C12orf75: variants seen among roughly 807,000 people sequenced by gnomAD.
The protein encoded by C12orf75 is overexpressed in colon carcinoma 1 protein.
In C12orf75, 4 loss-of-function variants were observed where a neutral mutation model predicts 11.4. The observed-to-expected ratio is 0.35, with a 90% CI of 0.17 to 0.80. The LOEUF (loss-of-function observed/expected upper bound fraction) is 0.80, where lower values mean the gene tolerates loss of function less well. Ranked by LOEUF, C12orf75 falls within the 30% of genes least tolerant of loss-of-function variation. The pLI is 0.52. For missense variants in C12orf75, 89 were observed against 80.4 expected (o/e 1.11, Z -0.41); for synonymous variants, 30 against 30.0 (o/e 1.00, Z 0.00).
intron 1 of C12orf75, among the ~76,000 whole-genome samples, chr12:105,331,847 T>C (rs568909138): frequency 5.9e-5 from 9 of 152,164 alleles, no homozygotes; most frequent in Non-Finnish European, 8.8e-5. Flanking sequence ...TCTCCTCCAA[T>C]TGAAGTCAAC....
At chr12:105,361,413 T>TC (rs1174248587) in intron 2 of C12orf75, among the ~76,000 whole-genome samples, 2 of 152,132 alleles carry the variant, frequency 1.3e-5, no homozygotes, top group Non-Finnish European at 2.9e-5. Context: ...AGGATTCAAA[T>TC]CCCAAAGACT....
At chr12:105,335,313 C>G (rs904268837) in intron 1 of C12orf75, among the ~76,000 whole-genome samples, 1 of 152,128 alleles carries the variant, frequency 6.6e-6, no homozygotes, top group African/African-American at 2.4e-5. Context: ...TTGGTCCAGG[C>G]TTAATTACAT....
chr12:105,352,911 CTT>C (rs1892731299), intron 2 of C12orf75, among the ~76,000 whole-genome samples: 2 of 152,190 alleles, frequency 1.3e-5, no homozygotes, highest in Admixed American at 6.5e-5. Context: ...CTTTCTGTCT[CTT>C]TGAAATTAAA....
intron 1 of C12orf75, among the ~76,000 whole-genome samples, chr12:105,342,713 A>C (rs1474917011): frequency 6.6e-6 from 1 of 152,208 alleles, no homozygotes; most frequent in Non-Finnish European, 1.5e-5. Context: ...GGGCTTGGCC[A>C]AGAGTCATCT....
chr12:105,339,058 T>A (rs184504135), intron 1 of C12orf75, among the ~76,000 whole-genome samples: 12 of 152,350 alleles, frequency 7.9e-5, no homozygotes, highest in Non-Finnish European at 2.9e-5. Context: ...AAATCACTTA[T>A]GAATCTGTAT....
chr12:105,338,145 C>T (rs1592876324), intron 1 of C12orf75, among the ~76,000 whole-genome samples: 1 of 152,082 alleles, frequency 6.6e-6, no homozygotes, highest in East Asian at 1.9e-4. Context: ...TATGCCTGTA[C>T]TTCTTATATG....
At chr12:105,340,197 G>A (rs539417682) in intron 1 of C12orf75, among the ~76,000 whole-genome samples, 16 of 151,532 alleles carry the variant, frequency 1.1e-4, no homozygotes, top group East Asian at 3.9e-4. Flanking sequence ...AGGCAGAGGC[G>A]GGTGGATCAC....
At chr12:105,342,809 G>A (rs562007016) in intron 1 of C12orf75, among the ~76,000 whole-genome samples, 4 of 152,306 alleles carry the variant, frequency 2.6e-5, no homozygotes, top group African/African-American at 7.2e-5. Flanking sequence ...GGAACCAGGG[G>A]CAAAGACCAA....
At position 105,330,852 on chromosome 12, in the gene C12orf75, C is replaced by T. The variant is rs959042454; in HGVS notation, c.-40C>T. 2 of 1,252,040 alleles carry T rather than the reference C, an allele frequency of 1.6e-6. No homozygotes were observed. Among genetic ancestry groups the T allele is most frequent in the Non-Finnish European group, 2.0e-6 (2 of 999,982 alleles). 77.6% of individuals were successfully genotyped at this position (1,252,040 alleles called of 1,614,324 possible). On this transcript the variant is annotated 5_prime_UTR_variant, in exon 1 of 6. Coordinates refer to ENST00000443585, the MANE Select transcript of C12orf75 (RefSeq NM_001145199.2). Reference sequence around the variant, plus strand: ...GGGTCTCCGCCCCCAGGACCCGCGGCCGAGAGCTCCGGAGCGCGGCTTCCC... The same window carrying T: ...GGGTCTCCGCCCCCAGGACCCGCGGTCGAGAGCTCCGGAGCGCGGCTTCCC...
chr12:105,343,184 C>G (rs1175868934), intron 1 of C12orf75, among the ~76,000 whole-genome samples: 1 of 152,140 alleles, frequency 6.6e-6, no homozygotes, highest in Admixed American at 6.5e-5. Context: ...CTTTTGACCC[C>G]CTCCCCTCCA....
At chr12:105,338,931 A>G (rs1449616241) in intron 1 of C12orf75, among the ~76,000 whole-genome samples, 1 of 152,216 alleles carries the variant, frequency 6.6e-6, no homozygotes, top group Non-Finnish European at 1.5e-5. Context: ...AGGACGACCT[A>G]TAAAAATGAG....
chr12:105,339,711 G>T (rs972945088), intron 1 of C12orf75, among the ~76,000 whole-genome samples: 5 of 151,976 alleles, frequency 3.3e-5, no homozygotes, highest in Non-Finnish European at 7.4e-5. Flanking sequence ...CCGCCTGCCG[G>T]GTTCATGCCT....
At chr12:105,352,068 A>ATC (rs1296890383) in intron 2 of C12orf75, among the ~76,000 whole-genome samples, 2 of 152,186 alleles carry the variant, frequency 1.3e-5, no homozygotes, top group African/African-American at 4.8e-5. Flanking sequence ...AGAAAATGTA[A>ATC]TTAATAAGAT....
chr12:105,330,761 C>G lies in C12orf75; in HGVS notation c.-131C>G, dbSNP rs913130653. On this transcript the variant is annotated 5_prime_UTR_variant, in exon 1 of 6. Transcript: ENST00000443585. ...CTCCCGGCGGTGGGAGGGGGCGGCC[C>G]CCACTCGGTTCCTGGCCCCTCGCGG... The G allele has an allele frequency of 3.2e-6, 3 of 930,790 alleles. No individual in the cohort carries two copies. The highest frequency in any genetic ancestry group is 4.1e-6 in the Non-Finnish European group (3 of 728,054). 57.7% of individuals were successfully genotyped at this position (930,790 alleles called of 1,614,324 possible).
At chr12:105,355,288 G>A (rs1303029331) in intron 2 of C12orf75, among the ~76,000 whole-genome samples, 6 of 149,994 alleles carry the variant, frequency 4.0e-5, no homozygotes, top group African/African-American at 1.5e-4. Flanking sequence ...TCCTGCCTCA[G>A]CCTCCCAAGT....
At chr12:105,345,847 A>G (rs1892633346) in intron 1 of C12orf75, among the ~76,000 whole-genome samples, 1 of 150,972 alleles carries the variant, frequency 6.6e-6, no homozygotes, top group Admixed American at 6.6e-5. Flanking sequence ...TTTTTTTAGT[A>G]GAGATAGGGT....
At chr12:105,357,205 A>G (rs538804561) in intron 2 of C12orf75, among the ~76,000 whole-genome samples, 19 of 152,356 alleles carry the variant, frequency 1.2e-4, no homozygotes, top group East Asian at 3.9e-4. Context: ...CAGCACTGCT[A>G]TTCACCCTGA....
intron 5 of C12orf75, among the ~76,000 whole-genome samples, chr12:105,368,720 AC>A (rs1351388162): frequency 2.0e-5 from 3 of 152,184 alleles, no homozygotes; most frequent in African/African-American, 7.2e-5. Context: ...AAACAAACTT[AC>A]CTGCTAGAGA....
chr12:105,332,572 A>G (rs749454678), intron 1 of C12orf75, among the ~76,000 whole-genome samples: 3 of 152,006 alleles, frequency 2.0e-5, no homozygotes, highest in Non-Finnish European at 2.9e-5. Context: ...TCTCTACTAA[A>G]AATACAAAAT....
Sources: gnomAD v4.1 joint callset for allele counts (sites outside exome capture counted in the v4.1 genomes callset) on GRCh38, gnomAD v4.1.1 for gene constraint, MANE v1.5 for transcripts, NCBI Gene and HGNC (gene_info 2026-07-23, HGNC 2026-07-21) for gene names.